The following CKMT1A variants were observed in gnomAD, a reference collection of about 807,000 sequenced individuals.
CKMT1A encodes creatine kinase U-type, mitochondrial.
A neutral mutation model predicts 21.8 loss-of-function variants in CKMT1A; 23 were observed. The observed-to-expected ratio is 1.05, with a 90% CI of 0.76 to 1.49. CKMT1A has a LOEUF of 1.49. Ranked by LOEUF, CKMT1A falls within the 40% of genes most tolerant of loss-of-function variation. CKMT1A has a pLI of 0.00. For synonymous variants in CKMT1A, 67 were observed against 80.4 expected (o/e 0.83, Z 0.89); for missense variants, 154 against 229.4 (o/e 0.67, Z 2.12).
At position 43,698,661 on chromosome 15, in the gene CKMT1A, C is replaced by A; in HGVS notation, c.1032C>A (p.Ile344=). The A allele has an allele frequency of 6.2e-7, 1 of 1,613,408 alleles. No individual in the cohort carries two copies. Among genetic ancestry groups the A allele is most frequent in the Non-Finnish European group, 8.5e-7 (1 of 1,179,668 alleles). The change falls in exon 8 of 9, where the codon ATC becomes ATA. Residue 344 remains isoleucine, a synonymous_variant. Transcript: ENST00000413453. ...TCTAGGATAGCCGCTTCCCAAAGAT[C>A]CTGGAGAACCTAAGACTCCAAAAGC... ...LLSKDSRFPK[I]LENLRLQKRG... is the part of the protein sequence containing the mutation.
At chr15:43,696,423 CATA>C (rs754129636) in intron 6 of CKMT1A, 60 bp downstream of exon 6, 4 of 1,607,046 alleles carry the variant, frequency 2.5e-6, no homozygotes, top group Non-Finnish European at 3.4e-6. Flanking sequence ...CAAAGAGTAG[CATA>C]AATAGATTAT....
At chr15:43,697,522 T>C (rs1596000869) in intron 6 of CKMT1A, 3 of 984,842 alleles carry the variant, frequency 3.0e-6, no homozygotes, top group African/African-American at 3.5e-5. Context: ...TTTCCTGCTC[T>C]GTTTTCATCT....
chr15:43,698,809 TG>T, intron 8 of CKMT1A, 43 bp downstream of exon 8: 1 of 1,596,552 alleles, frequency 6.3e-7, no homozygotes, highest in African/African-American at 1.5e-5. Context: ...TATAGGTCTG[TG>T]GGGGCTGAAA....
At chr15:43,697,237 G>C in intron 6 of CKMT1A, 1 of 1,221,040 alleles carries the variant, frequency 8.2e-7, no homozygotes, top group Non-Finnish European at 1.1e-6. Flanking sequence ...AAAGTACTTG[G>C]TCCACAGTAA....
chr15:43,697,814 T>C (rs1191881712), intron 6 of CKMT1A, 200 bp from the exon 7 acceptor site: 3 of 983,416 alleles, frequency 3.1e-6, no homozygotes, highest in Non-Finnish European at 3.6e-6. Context: ...CTCATTATTA[T>C]GCACATCATA....
chr15:43,696,321 C>T lies in CKMT1A; in HGVS notation c.834C>T (p.Asn278=). 6.2e-7 allele frequency: 1 copy of T among 1,609,112 alleles called. No individual in the cohort carries two copies. The highest frequency in any genetic ancestry group is 2.2e-5 in the East Asian group (1 of 44,794). ...TRVISMEKGG[N]MKRVFERFCR... is the part of the protein sequence containing the mutation. ...TGATCTCCATGGAGAAGGGTGGTAA[C>T]ATGAAGAGAGTGTTTGAAAGATTCT... Residue 278 remains asparagine, a synonymous_variant, in exon 6 of 9, where the codon AAC becomes AAT. Coordinates refer to ENST00000413453, the MANE Select transcript of CKMT1A (RefSeq NM_001321926.2).
rs762546826 is a variant in CKMT1A, at chr15:43,696,823, CT to C, written c.876+463del. On this transcript the variant is annotated intron_variant, in intron 6 of 8. Coordinates refer to ENST00000413453, the MANE Select transcript of CKMT1A (RefSeq NM_001321926.2). ...TTCTTGTTAAAGTATCGGGTCTAGG[CT>C]TTAAGTTGAGAGTTCAGAGGGAGAC... 51 of 273,734 alleles carry C rather than the reference CT, an allele frequency of 1.9e-4. 1 individual carries two copies. Among genetic ancestry groups the C allele is most frequent in the Admixed American group, 1.2e-3 (24 of 19,834 alleles). 17.0% of individuals were successfully genotyped at this position (273,734 alleles called of 1,614,324 possible).
At position 43,697,947 on chromosome 15, in the gene CKMT1A, C is replaced by T. The variant is rs113706255; in HGVS notation, c.877-67C>T. On this transcript the variant is annotated intron_variant, in intron 6 of 8. Coordinates refer to ENST00000413453, the MANE Select transcript of CKMT1A (RefSeq NM_001321926.2). Reference sequence around the variant, plus strand: ...ATTTCTAGTGTTCTTGTGGGTCTAGCTAAGGGAGGGTCCAGGGTTAATGAA... The same window carrying T: ...ATTTCTAGTGTTCTTGTGGGTCTAGTTAAGGGAGGGTCCAGGGTTAATGAA... 2,802 of 1,602,868 alleles carry T rather than the reference C, an allele frequency of 1.7e-3. 2 individuals are homozygous for T. In the African/African-American group the frequency reaches 0.033, roughly 19 times the overall value.
intron 7 of CKMT1A, 52 bp downstream of exon 7, chr15:43,698,200 T>C: frequency 6.2e-7 from 1 of 1,602,626 alleles, no homozygotes. Context: ...GGGTGGGTTG[T>C]GGATGGGGAG....
chr15:43,698,809 T>A, intron 8 of CKMT1A, 43 bp downstream of exon 8: 1 of 1,596,552 alleles, frequency 6.3e-7, no homozygotes, highest in Non-Finnish European at 8.5e-7. Context: ...TATAGGTCTG[T>A]GGGGGCTGAA....
At chr15:43,698,937 T>A (rs765112122) in intron 8 of CKMT1A, 36 bp from the exon 9 acceptor site, 27 of 1,612,500 alleles carry the variant, frequency 1.7e-5, no homozygotes, top group Non-Finnish European at 2.3e-5. Flanking sequence ...AAACTCAGAC[T>A]GTAGGAAGCA....
chr15:43,697,109 C>CT, intron 6 of CKMT1A: 2 of 612,278 alleles, frequency 3.3e-6, no homozygotes, highest in Non-Finnish European at 4.9e-6. Context: ...CATATTCTGA[C>CT]TATGAGTGGG....
chr15:43,697,224 G>A (rs1047730466), intron 6 of CKMT1A: 2 of 1,230,888 alleles, frequency 1.6e-6, no homozygotes, highest in African/African-American at 3.2e-5. Flanking sequence ...GTGAAATACA[G>A]GTAAAGTACT....
chr15:43,697,761 G>A (rs2955974), intron 6 of CKMT1A: 1 of 984,484 alleles, frequency 1.0e-6, no homozygotes, highest in Non-Finnish European at 1.2e-6. Context: ...AATACACCAC[G>A]CCTTCGAGTT....
chr15:43,696,529 T>G, intron 6 of CKMT1A, 166 bp downstream of exon 6: 2 of 1,082,220 alleles, frequency 1.8e-6, no homozygotes, highest in Non-Finnish European at 2.6e-6. Flanking sequence ...GCTGGGACCA[T>G]ACTGGGAAAA....
rs199890737 is a variant in CKMT1A, at chr15:43,698,721, C to T, written c.1092C>T (p.Gly364=). The T allele has an allele frequency of 1.8e-5, 29 of 1,613,442 alleles. No individual in the cohort carries two copies. Among genetic ancestry groups the T allele is most frequent in the African/African-American group, 6.7e-5 (5 of 74,694 alleles). Residue 364 remains glycine (G), a synonymous_variant, in exon 8 of 9, where the codon GGC becomes GGT. Coordinates refer to ENST00000413453, the MANE Select transcript of CKMT1A (RefSeq NM_001321926.2). ...GTGGVDTAAT[G]GVFDISNLDR... ...GAGGAGTGGACACTGCTGCCACAGG[C>T]GGTGTCTTTGATATTTCTAATTTGG...
rs377480302 is a variant in CKMT1A at position 43,698,789 on chromosome 15, T to C, written c.1137+23T>C. On this transcript the variant is annotated intron_variant, in intron 8 of 8. Coordinates refer to ENST00000413453, the MANE Select transcript of CKMT1A (RefSeq NM_001321926.2). ...GAGGTGAGATCCTAAGGGATTAGGA[T>C]GAGGAGAGGTATAGGTCTGTGGGGG... is the stretch of plus-strand genomic sequence containing the variant. 278 of 1,613,102 alleles carry C rather than the reference T, an allele frequency of 1.7e-4. 2 individuals are homozygous for C. Among genetic ancestry groups the C allele is most frequent in the South Asian group, 4.3e-4 (39 of 90,978 alleles).
At chr15:43,697,791 AT>A (rs1400655812) in intron 6 of CKMT1A, 1 of 984,402 alleles carries the variant, frequency 1.0e-6, no homozygotes. Context: ...CACATAAGAT[AT>A]TTTTTCACAA....
intron 6 of CKMT1A, chr15:43,696,728 G>A: frequency 3.6e-6 from 1 of 275,400 alleles, no homozygotes; most frequent in Non-Finnish European, 7.0e-6. Flanking sequence ...GGGAGAGGTT[G>A]CTGTGTTCAT....
Sources: gnomAD v4.1 joint callset for allele counts on GRCh38, gnomAD v4.1.1 for gene constraint, MANE v1.5 for transcripts, NCBI Gene and HGNC (gene_info 2026-07-23, HGNC 2026-07-21) for gene names.